Variants in TRIM39 observed in about 807,000 individuals in gnomAD.
The protein encoded by TRIM39 is E3 ubiquitin-protein ligase TRIM39.
Under a neutral mutation model 53.6 loss-of-function variants are expected in TRIM39, and 5 were observed. That is an observed-to-expected ratio of 0.09 (90% CI 0.05 to 0.20). TRIM39 has a LOEUF of 0.20. Ranked by LOEUF, TRIM39 falls within the 10% of genes least tolerant of loss-of-function variation. TRIM39 has a pLI of 1.00. For missense variants in TRIM39, 310 were observed against 621.0 expected (o/e 0.50, Z 5.32); for synonymous variants, 196 against 237.6 (o/e 0.82, Z 1.61).
rs1226951705 is a variant in TRIM39, at chr6:30,339,340, G to T, written c.781-568G>T. Among the ~76,000 whole-genome samples, 1 of 151,920 alleles carries T rather than the reference G, an allele frequency of 6.6e-6. No individual in the cohort carries two copies. Among genetic ancestry groups the T allele is most frequent in the South Asian group, 2.1e-4 (1 of 4,818 alleles). On this transcript the variant is annotated intron_variant, in intron 5 of 7. Transcript: ENST00000396551. This position sits in a 1 kb window ranked among gnomAD's most constrained non-coding sequence, Gnocchi z 4.2. ...ATTTTTGTATTTTTAGTAAAGACAG[G>T]GTTTCACCATGTTGGCTAGGCTGGT...
chr6:30,340,582 A>C (rs1787395432), exon 7 of TRIM39: 2 of 1,612,984 alleles, frequency 1.2e-6, no homozygotes, highest in Admixed American at 3.3e-5. Context: ...TTTCCCCGAC[A>C]GTACTTTGCC....
At chr6:30,329,141 CAAAG>C (rs917088996) in intron 2 of TRIM39, 100 bp downstream of exon 2, 12 of 781,990 alleles carry the variant, frequency 1.5e-5, no homozygotes, top group Admixed American at 1.4e-4. Flanking sequence ...AATGGAGAAA[CAAAG>C]AGGTTGAATT....
At position 30,339,982 on chromosome 6, in the gene TRIM39, A is replaced by AG. The variant is rs1421194202; in HGVS notation, c.803+56dup. The AG allele has an allele frequency of 6.2e-7, 1 of 1,613,588 alleles. No individual in the cohort carries two copies. The highest frequency in any genetic ancestry group is 8.5e-7 in the Non-Finnish European group (1 of 1,179,798). On this transcript the variant is annotated intron_variant, in intron 6 of 7. Coordinates refer to ENST00000396551, the Ensembl canonical transcript of TRIM39. This position sits in a 1 kb window ranked among gnomAD's most constrained non-coding sequence, Gnocchi z 4.2. ...TGAGTTAGGTCTTGGCTTAGAGAGG[A>AG]GGGGTACAGTCAGGAGTTTGGGTTG...
At chr6:30,331,815 G>C (rs1469083176) in intron 4 of TRIM39, among the ~76,000 whole-genome samples, 1 of 152,096 alleles carries the variant, frequency 6.6e-6, no homozygotes, top group Non-Finnish European at 1.5e-5. Context: ...TTATAGCATT[G>C]CCTTATTTGT....
rs1188084063 is a variant in TRIM39, at chr6:30,339,284, G to A, written c.781-624G>A. ...CTGCCTCAGCCTCCTGAGTAGCTGG[G>A]GTTACAGGCGCACACCACCACACCT... On this transcript the variant is annotated intron_variant, in intron 5 of 7. Coordinates refer to ENST00000396551, the Ensembl canonical transcript of TRIM39. This position sits in a 1 kb window ranked among gnomAD's most constrained non-coding sequence, Gnocchi z 4.2. Among the ~76,000 whole-genome samples the A allele has an allele frequency of 6.6e-6, 1 of 151,856 alleles. No homozygotes were observed. Among genetic ancestry groups the A allele is most frequent in the Non-Finnish European group, 1.5e-5 (1 of 67,964 alleles).
chr6:30,340,766 C>T (rs911434897), intron 7 of TRIM39, 146 bp downstream of exon 7: 2 of 831,316 alleles, frequency 2.4e-6, no homozygotes, highest in Non-Finnish European at 3.6e-6. Flanking sequence ...TTTAGTCTCA[C>T]CCTGAGTCAC....
chr6:30,330,126 T>C (rs914331720), intron 3 of TRIM39, among the ~76,000 whole-genome samples: 11 of 152,222 alleles, frequency 7.2e-5, no homozygotes, highest in Admixed American at 1.3e-4. Context: ...CTCAGAATGC[T>C]CCTTGTTTTC....
rs1331083659 is a variant in TRIM39 at position 30,338,600 on chromosome 6, C to G, written c.781-1308C>G. Among the ~76,000 whole-genome samples, 1 of 149,258 alleles carries G rather than the reference C, an allele frequency of 6.7e-6. No individual in the cohort carries two copies. The highest frequency in any genetic ancestry group is 1.5e-5 in the Non-Finnish European group (1 of 67,568). On this transcript the variant is annotated intron_variant, in intron 5 of 7. Transcript: ENST00000396551. The surrounding 1 kb of genome is among the most constrained non-coding windows in gnomAD (Gnocchi z 4.0). Reference sequence around the variant, plus strand: ...CAAAGATCACTGATCACAGATCATACTAGATATAATAATGAAAAAGTGTGA... The same window carrying G: ...CAAAGATCACTGATCACAGATCATAGTAGATATAATAATGAAAAAGTGTGA...
intron 1 of TRIM39, chr6:30,327,203 C>G (rs1032152458): frequency 6.5e-6 from 1 of 152,688 alleles, no homozygotes; most frequent in African/African-American, 2.4e-5. Context: ...GCCGTTCCCC[C>G]GTCCCGCTGC....
In TRIM39 at chr6:30,329,159, TG is replaced by T. The variant is rs1245881416; in HGVS notation, c.-8+120del. 4.2e-5 allele frequency: 37 copies of T among 888,844 alleles called. No homozygotes were observed. The Admixed American group carries it at 1.0e-3, about 25-fold the overall frequency. The allele number at this position is 888,844 out of a possible 1,614,324, so 55.1% of individuals were successfully genotyped here. On this transcript the variant is annotated intron_variant, in intron 2 of 7. Coordinates refer to ENST00000396551, the Ensembl canonical transcript of TRIM39. Reference sequence around the variant, plus strand: ...GGAGAAACAAAGAGGTTGAATTGATTGGAAGAGAAGATGGAGAATAACAAGA... The same window carrying T: ...GGAGAAACAAAGAGGTTGAATTGATTGAAGAGAAGATGGAGAATAACAAGA...
chr6:30,337,432 G>GTGC (rs1210680457), intron 5 of TRIM39, among the ~76,000 whole-genome samples: 2 of 152,020 alleles, frequency 1.3e-5, no homozygotes, highest in Non-Finnish European at 2.9e-5. Flanking sequence ...GTAAAGGCTA[G>GTGC]GCACGTTGGC....
At position 30,340,811 on chromosome 6, in the gene TRIM39, C is replaced by G. The variant is rs554415511; in HGVS notation, c.919+191C>G. On this transcript the variant is annotated intron_variant, in intron 7 of 7. Transcript: ENST00000396551. ...AGTGAGAGGAAGCCTTAAGCGTTATCTACTCTTAGGTCCATTCTTTTCTAA... is the reference window on the plus strand; with the variant it reads ...AGTGAGAGGAAGCCTTAAGCGTTATGTACTCTTAGGTCCATTCTTTTCTAA... Among the ~76,000 whole-genome samples, 12 of 152,330 alleles carry G rather than the reference C, an allele frequency of 7.9e-5. No homozygotes were observed. In the South Asian group the frequency reaches 1.7e-3, roughly 21 times the overall value.
intron 3 of TRIM39, 147 bp downstream of exon 3, chr6:30,329,917 C>A: frequency 1.6e-6 from 2 of 1,243,396 alleles, no homozygotes; most frequent in South Asian, 1.6e-5. Flanking sequence ...TATGTGTGAT[C>A]AGTTGTCCTC....
chr6:30,328,030 A>G (rs1417993332), intron 1 of TRIM39, among the ~76,000 whole-genome samples: 1 of 152,204 alleles, frequency 6.6e-6, no homozygotes, highest in Non-Finnish European at 1.5e-5. Flanking sequence ...AGTTAAATCA[A>G]CTTACCCATG....
intron 5 of TRIM39, among the ~76,000 whole-genome samples, chr6:30,337,855 A>G (rs1180340945): frequency 7.9e-5 from 12 of 152,254 alleles, no homozygotes; most frequent in Admixed American, 7.2e-4. Context: ...GACATTGAAA[A>G]TGTGTTGTTT....
At chr6:30,330,560 T>C (rs1786021566) in intron 3 of TRIM39, among the ~76,000 whole-genome samples, 1 of 151,796 alleles carries the variant, frequency 6.6e-6, no homozygotes, top group Non-Finnish European at 1.5e-5. Flanking sequence ...AAAAGGACAG[T>C]TGGGTGAGCA....
At chr6:30,340,691 T>C in intron 7 of TRIM39, 71 bp downstream of exon 7, 1 of 1,476,518 alleles carries the variant, frequency 6.8e-7, no homozygotes, top group Non-Finnish European at 9.1e-7. Context: ...CTACCTTATA[T>C]GGGTTTCAGT....
At chr6:30,341,492 A>C in intron 7 of TRIM39, 5 of 775,834 alleles carry the variant, frequency 6.4e-6, no homozygotes, top group East Asian at 2.7e-5. Flanking sequence ...TGCAGACTCA[A>C]GAGATTATTA....
chr6:30,330,772 A>G lies in TRIM39; in HGVS notation c.454-9A>G. 6.2e-7 allele frequency: 1 copy of G among 1,614,000 alleles called. No individual in the cohort carries two copies. The highest frequency in any genetic ancestry group is 8.5e-7 in the Non-Finnish European group (1 of 1,179,940). ...ATGTCACCTCTCCCACTTCCTCCCT[A>G]CCCCTCAGGAAAAACTGCAGAAGTG... On this transcript the variant is annotated splice_polypyrimidine_tract_variant and intron_variant, in intron 3 of 7. Transcript: ENST00000396551.
Sources: gnomAD v4.1 joint callset for allele counts (sites outside exome capture counted in the v4.1 genomes callset) on GRCh38, gnomAD v4.1.1 for gene constraint, Gnocchi (gnomAD v3.1) non-coding constraint, MANE v1.5 for transcripts, NCBI Gene and HGNC (gene_info 2026-07-23, HGNC 2026-07-21) for gene names.